The following MARCHF10 variants were observed in gnomAD, a reference collection of about 807,000 sequenced individuals.
The protein encoded by MARCHF10 is probable E3 ubiquitin-protein ligase MARCHF10.
MARCHF10 carries 64 observed loss-of-function variants against 76.2 expected under a neutral mutation model. The ratio of observed to expected loss-of-function variants is 0.84; its 90% CI spans 0.69 to 1.03. MARCHF10 has a LOEUF of 1.03. Ranked by LOEUF, MARCHF10 falls within the 50% of genes least tolerant of loss-of-function variation. MARCHF10 has a pLI of 0.00. For synonymous variants in MARCHF10, 340 were observed against 357.5 expected, an observed-to-expected ratio of 0.95 and a Z score of 0.55; for missense variants, 875 against 958.0, an observed-to-expected ratio of 0.91 and a Z score of 1.14.
At chr17:62,757,992 A>T (rs1484485212) in intron 4 of MARCHF10, among the ~76,000 whole-genome samples, 1 of 152,192 alleles carries the variant, frequency 6.6e-6, no homozygotes, top group Non-Finnish European at 1.5e-5. Context: ...GGTGGATCTA[A>T]ACGGTTCCTT....
At chr17:62,789,088 A>C (rs936451410) in intron 2 of MARCHF10, among the ~76,000 whole-genome samples, 3 of 150,806 alleles carry the variant, frequency 2.0e-5, no homozygotes, top group Non-Finnish European at 4.4e-5. Context: ...AAAAAAAAAA[A>C]AAAAAACGCA....
At chr17:62,780,676 A>C (rs2092641497) in intron 3 of MARCHF10, among the ~76,000 whole-genome samples, 1 of 152,172 alleles carries the variant, frequency 6.6e-6, no homozygotes. Context: ...GCACTTAAAA[A>C]ACTGACAGTG....
At chr17:62,791,019 T>C (rs1193480084) in intron 2 of MARCHF10, among the ~76,000 whole-genome samples, 5 of 152,222 alleles carry the variant, frequency 3.3e-5, no homozygotes, top group Non-Finnish European at 7.3e-5. Flanking sequence ...GCCACATAGA[T>C]AGTAAGTCAT....
intron 5 of MARCHF10, among the ~76,000 whole-genome samples, chr17:62,740,708 G>C (rs1037265766): frequency 6.6e-6 from 1 of 151,768 alleles, no homozygotes; most frequent in African/African-American, 2.4e-5. Context: ...ACCCAGGCTG[G>C]AGTACAGTTG....
At chr17:62,764,089 G>T (rs56206536) in intron 3 of MARCHF10, among the ~76,000 whole-genome samples, 1 of 152,032 alleles carries the variant, frequency 6.6e-6, no homozygotes, top group Non-Finnish European at 1.5e-5. Context: ...GTTGAGAAGG[G>T]GGATGAATCT....
chr17:62,736,209 A>C lies in MARCHF10; in HGVS notation c.1659T>G (p.Pro553=). ...GATCTGTATATAGTGGAGCCCCCTG[A>C]GGCTGGCTTGTTAAAGTAGTATCTT... The part of the protein sequence containing the change: ...EAEDTTLTSQ[P]QGAPLYTDLL... Residue 553 remains proline (P), a synonymous_variant, in exon 6 of 11, where the codon CCT becomes CCG. Transcript: ENST00000311269. 1 of 1,614,200 alleles carries C rather than the reference A, an allele frequency of 6.2e-7. No homozygotes were observed. The highest frequency in any genetic ancestry group is 8.5e-7 in the Non-Finnish European group (1 of 1,180,034).
At chr17:62,723,558 A>AATTTTTTTTTTTTTTTTTTTTTTTTTT (rs2090597792) in intron 7 of MARCHF10, among the ~76,000 whole-genome samples, 1 of 62,382 alleles carries the variant, frequency 1.6e-5, no homozygotes, top group South Asian at 5.0e-4. Context: ...TGTTCGCTTG[A>AATTTTTTTTTTTTTTTTTTTTTTTTTT]CTTTTTTTTT....
intron 4 of MARCHF10, among the ~76,000 whole-genome samples, chr17:62,753,315 C>T (rs2091951083): frequency 6.6e-6 from 1 of 152,144 alleles, no homozygotes; most frequent in Non-Finnish European, 1.5e-5. Context: ...TCATGTTGAC[C>T]AGGCTGGTCT....
Position 62,736,599 on chromosome 17 carries a change from ATCAC to A in MARCHF10, c.1265_1268del (p.Ser422IlefsTer22), listed in dbSNP as rs2091276242. ...CAGGCCTATGTTCCACAGAAATACA[ATCAC>A]TCCATACATTTTCAGCATTGACACC... On this transcript the variant is annotated frameshift_variant, in exon 6 of 11. Coordinates refer to ENST00000311269, the MANE Select transcript of MARCHF10 (RefSeq NM_152598.4). LOFTEE classifies it high-confidence loss of function. 1 of 1,614,210 alleles carries A rather than the reference ATCAC, an allele frequency of 6.2e-7. No homozygotes were observed. The highest frequency in any genetic ancestry group is 8.5e-7 in the Non-Finnish European group (1 of 1,180,042).
At chr17:62,763,755 ACTTAAGTATACTTCACATTCTCTG>A in intron 3 of MARCHF10, among the ~76,000 whole-genome samples, 1 of 152,314 alleles carries the variant, frequency 6.6e-6, no homozygotes, top group Admixed American at 6.5e-5. Flanking sequence ...CCTACGTGAC[ACTTAAGTATACTTCACATTCTCTG>A]CTGAGAATCT....
chr17:62,772,400 T>C (rs1231574687), intron 3 of MARCHF10, among the ~76,000 whole-genome samples: 3 of 152,188 alleles, frequency 2.0e-5, no homozygotes, highest in Admixed American at 1.3e-4. Flanking sequence ...TTTTTCTTTA[T>C]AAATTACCCA....
At chr17:62,726,656 G>A (rs1233665222) in intron 6 of MARCHF10, among the ~76,000 whole-genome samples, 1 of 152,062 alleles carries the variant, frequency 6.6e-6, no homozygotes, top group Non-Finnish European at 1.5e-5. Context: ...GTTTTGAGAT[G>A]GAGTCTTGCT....
Position 62,737,055 on chromosome 17 carries a change from G to A in MARCHF10, c.813C>T (p.Phe271=). 1 of 1,614,018 alleles carries A rather than the reference G, an allele frequency of 6.2e-7. No individual in the cohort carries two copies. The highest frequency in any genetic ancestry group is 8.5e-7 in the Non-Finnish European group (1 of 1,180,016). Residue 271 remains phenylalanine, a synonymous_variant, in exon 6 of 11, where the codon TTC becomes TTT. Coordinates refer to ENST00000311269, the MANE Select transcript of MARCHF10 (RefSeq NM_152598.4). The part of the protein sequence containing the change: ...VGGPRKASFR[F]RDEDFYSILS... The stretch of plus-strand genomic sequence containing the variant: ...AAATGGAATAAAAGTCTTCATCTCG[G>A]AACCTAAATGATGCCTTTCTTGGCC...
At chr17:62,787,798 C>T (rs1487832985) in intron 3 of MARCHF10, among the ~76,000 whole-genome samples, 3 of 152,028 alleles carry the variant, frequency 2.0e-5, no homozygotes, top group African/African-American at 7.2e-5. Flanking sequence ...TAGATATATA[C>T]ATTTATGAGA....
chr17:62,800,840 T>C (rs1449368646), intron 2 of MARCHF10, among the ~76,000 whole-genome samples: 1 of 152,204 alleles, frequency 6.6e-6, no homozygotes, highest in African/African-American at 2.4e-5. Context: ...TCAGGCTCCC[T>C]GTGTGTTTTG....
intron 3 of MARCHF10, chr17:62,780,986 G>A (rs756995062): frequency 6.6e-6 from 1 of 152,164 alleles, no homozygotes; most frequent in South Asian, 2.1e-4. Flanking sequence ...GGCCAGCAGC[G>A]GTCTCGCCGG....
chr17:62,724,882 T>C, intron 7 of MARCHF10, 56 bp downstream of exon 7: 1 of 1,591,068 alleles, frequency 6.3e-7, no homozygotes, highest in Non-Finnish European at 8.6e-7. Context: ...CACACCGTGG[T>C]GCCTCATGTT....
At chr17:62,780,750 G>C (rs1403481508) in intron 3 of MARCHF10, among the ~76,000 whole-genome samples, 6 of 152,166 alleles carry the variant, frequency 3.9e-5, no homozygotes, top group Non-Finnish European at 4.4e-5. Context: ...CTTGAGGCTT[G>C]TGCATTTGGA....
At chr17:62,800,011 G>A (rs1221915297) in intron 2 of MARCHF10, among the ~76,000 whole-genome samples, 4 of 152,116 alleles carry the variant, frequency 2.6e-5, no homozygotes, top group East Asian at 1.9e-4. Context: ...AGGGATCACC[G>A]CCTCCAACCC....
Sources: allele counts gnomAD v4.1 joint callset (sites outside exome capture counted in the v4.1 genomes callset), GRCh38; gene constraint gnomAD v4.1.1; transcripts MANE v1.5; gene names NCBI Gene and HGNC (gene_info 2026-07-23, HGNC 2026-07-21).